Variants in DACH2 observed in about 807,000 individuals in gnomAD.
DACH2 encodes the protein dachshund family transcription factor 2.
Under a neutral mutation model 35.8 loss-of-function variants are expected in DACH2, and 17 were observed. The ratio of observed to expected loss-of-function variants is 0.48; its 90% CI spans 0.33 to 0.71. The LOEUF is 0.71. DACH2 is among the 30% of genes least tolerant of loss of function. The probability of loss-of-function intolerance (pLI) is 0.02; values close to 1 mark genes in which losing one functional copy is unlikely to be tolerated. For missense variants in DACH2, 469 were observed against 472.7 expected, an observed-to-expected ratio of 0.99 and a Z score of 0.07; for synonymous variants, 195 against 177.3, an observed-to-expected ratio of 1.10 and a Z score of -0.79.
chrX:86,723,015 C>T (rs952614074), intron 6 of DACH2, among the ~76,000 whole-genome samples: 1 of 111,564 alleles, frequency 9.0e-6, no homozygotes, highest in African/African-American at 3.3e-5. Flanking sequence ...CATTATTGTT[C>T]TGCTCAGGTT....
At chrX:86,474,906 G>C (rs1230241305) in intron 2 of DACH2, among the ~76,000 whole-genome samples, 1 of 111,086 alleles carries the variant, frequency 9.0e-6, no homozygotes, top group Non-Finnish European at 1.9e-5. Flanking sequence ...GCTAATTTTT[G>C]TATTTTTAGT....
chrX:86,476,981 C>G (rs1486000247), intron 2 of DACH2, among the ~76,000 whole-genome samples: 11 of 110,726 alleles, frequency 9.9e-5, no homozygotes, highest in African/African-American at 3.6e-4. Flanking sequence ...TTATTGATTT[C>G]TAGTTTTATT....
intron 1 of DACH2, among the ~76,000 whole-genome samples, chrX:86,264,317 C>T (rs1040170901): frequency 8.9e-6 from 1 of 111,742 alleles, no homozygotes; most frequent in African/African-American, 3.3e-5. Flanking sequence ...TTTTCATGTA[C>T]ATTTAGTAGC....
intron 1 of DACH2, among the ~76,000 whole-genome samples, chrX:86,289,832 T>A (rs1392898890): frequency 9.2e-6 from 1 of 109,220 alleles, no homozygotes; most frequent in Non-Finnish European, 1.9e-5. Flanking sequence ...TGTTGGACAT[T>A]TGGGTTGGTT....
At chrX:86,482,181 T>C (rs1054067213) in intron 2 of DACH2, among the ~76,000 whole-genome samples, 2 of 112,030 alleles carry the variant, frequency 1.8e-5, no homozygotes, top group South Asian at 7.3e-4. Context: ...GTATAGTATT[T>C]TCAGTAAACA....
At chrX:86,789,205 C>T (rs5923642) in intron 7 of DACH2, among the ~76,000 whole-genome samples, 32,915 of 110,878 alleles carry the variant, frequency 0.3, 3,839 homozygotes, top group Middle Eastern at 0.41. Flanking sequence ...TTTGTGGTTT[C>T]AGTAATGGAA....
At chrX:86,683,332 C>T (rs199505248) in intron 4 of DACH2, among the ~76,000 whole-genome samples, 2 of 109,173 alleles carry the variant, frequency 1.8e-5, no homozygotes, top group African/African-American at 6.7e-5. Context: ...CTTTTCTGTA[C>T]AGAGAGAAAA....
Position 86,664,751 on chromosome X carries a change from T to A in DACH2, c.772+13584T>A, listed in dbSNP as rs140260386. On this transcript the variant is annotated intron_variant, in intron 4 of 11. Transcript: ENST00000373125. The stretch of plus-strand genomic sequence containing the variant: ...GCCGAGTTAGCAGATGCAGGAGGAT[T>A]CTGCTTGAGTTGAAAAGAAATGCGT... 5.3e-5 allele frequency among the ~76,000 whole-genome samples: 6 copies of A among 112,282 alleles called. No individual in the cohort carries two copies. In the East Asian group the frequency reaches 1.7e-3, roughly 31 times the overall value.
chrX:86,792,037 T>C (rs1273490394), intron 7 of DACH2, among the ~76,000 whole-genome samples: 2 of 111,552 alleles, frequency 1.8e-5, no homozygotes, highest in African/African-American at 6.5e-5. Context: ...AAGTGAAAAG[T>C]TTTTGTACTA....
chrX:86,273,569 C>G (rs1676481653), intron 1 of DACH2, among the ~76,000 whole-genome samples: 1 of 112,086 alleles, frequency 8.9e-6, no homozygotes, highest in Admixed American at 9.5e-5. Flanking sequence ...AATATTCCAT[C>G]AGACAAAATG....
In DACH2 at chrX:86,329,770, G is replaced by C. The variant is rs910981342; in HGVS notation, c.489-47054G>C. On this transcript the variant is annotated intron_variant, in intron 1 of 11. Transcript: ENST00000373125. ...GTTATGGGACTTTCATTTGACGATA[G>C]CCTATCAACAGCCTGTGGGATTTGG... Among the ~76,000 whole-genome samples, 4 of 111,280 alleles carry C rather than the reference G, an allele frequency of 3.6e-5. No individual in the cohort carries two copies. In the South Asian group the frequency reaches 1.5e-3, roughly 42 times the overall value.
intron 3 of DACH2, among the ~76,000 whole-genome samples, chrX:86,621,990 C>A (rs1016923770): frequency 1.8e-5 from 2 of 111,207 alleles, no homozygotes; most frequent in South Asian, 7.5e-4. Context: ...TTTTTCAGCT[C>A]CCTTTCATAT....
intron 1 of DACH2, among the ~76,000 whole-genome samples, chrX:86,301,858 G>A (rs1368431613): frequency 2.7e-5 from 3 of 111,396 alleles, no homozygotes; most frequent in African/African-American, 6.5e-5. Context: ...AAATGCTATG[G>A]TCTATACTTA....
At chrX:86,450,694 A>G (rs181141481) in intron 2 of DACH2, among the ~76,000 whole-genome samples, 13 of 109,862 alleles carry the variant, frequency 1.2e-4, no homozygotes, top group African/African-American at 3.7e-4. Flanking sequence ...ACCACAGTAT[A>G]AAAGGGTTCC....
intron 2 of DACH2, among the ~76,000 whole-genome samples, chrX:86,421,135 G>A (rs1157732005): frequency 9.0e-6 from 1 of 111,551 alleles, no homozygotes; most frequent in Non-Finnish European, 1.9e-5. Context: ...TTCAGAATAA[G>A]TAAATTATAA....
At chrX:86,450,266 C>A (rs758071209) in intron 2 of DACH2, among the ~76,000 whole-genome samples, 28 of 110,900 alleles carry the variant, frequency 2.5e-4, no homozygotes, top group Non-Finnish European at 5.1e-4. Flanking sequence ...GTTGTTCCCA[C>A]CATATGTCCA....
At chrX:86,732,405 AC>A (rs1027600195) in intron 6 of DACH2, among the ~76,000 whole-genome samples, 7 of 111,935 alleles carry the variant, frequency 6.3e-5, no homozygotes, top group African/African-American at 1.9e-4. Flanking sequence ...GAAAACCTCC[AC>A]CCCCAAAAGG....
At chrX:86,154,228 A>G (rs944831970) in intron 1 of DACH2, among the ~76,000 whole-genome samples, 1 of 111,427 alleles carries the variant, frequency 9.0e-6, no homozygotes, top group African/African-American at 3.2e-5. Flanking sequence ...GTGGCACTTT[A>G]TCTTATGCAT....
intron 1 of DACH2, among the ~76,000 whole-genome samples, chrX:86,330,590 A>G (rs59553935): frequency 0.019 from 2,146 of 111,676 alleles, 48 homozygotes; most frequent in African/African-American, 0.066. Context: ...TGAAATAATA[A>G]TAATTTTAAA....
Sources: allele counts gnomAD v4.1 joint callset (sites outside exome capture counted in the v4.1 genomes callset), GRCh38; gene constraint gnomAD v4.1.1; transcripts MANE v1.5; gene names NCBI Gene and HGNC (gene_info 2026-07-23, HGNC 2026-07-21).